Variants in SYBU observed in about 807,000 individuals in gnomAD.
The protein encoded by SYBU is GOLSYN A protein.
In SYBU, 21 loss-of-function variants were observed where a neutral mutation model predicts 35.9. That is an observed-to-expected ratio of 0.58 (90% CI 0.41 to 0.84). The LOEUF is 0.84. Among genes scored for constraint, SYBU ranks in the 40% least tolerant of loss-of-function variants. The probability of loss-of-function intolerance (pLI) is 0.00; values close to 1 mark genes in which losing one functional copy is unlikely to be tolerated. For missense variants in SYBU, 768 were observed against 848.2 expected, an observed-to-expected ratio of 0.91 and a Z score of 1.17; for synonymous variants, 319 against 324.3, an observed-to-expected ratio of 0.98 and a Z score of 0.18.
chr8:109,613,006 G>A (rs903621781), intron 3 of SYBU, among the ~76,000 whole-genome samples: 6 of 133,472 alleles, frequency 4.5e-5, no homozygotes, highest in South Asian at 2.4e-4. Flanking sequence ...AGAAGAAGAA[G>A]AAAAGAAAAA....
At chr8:109,678,432 AC>A (rs1817279794) in intron 1 of SYBU, among the ~76,000 whole-genome samples, 3 of 122,220 alleles carry the variant, frequency 2.5e-5, no homozygotes, top group Non-Finnish European at 5.0e-5. Flanking sequence ...GTTTCAAATA[AC>A]CTTTTTTTTT....
rs1308654906 is a variant in SYBU, at chr8:109,618,835, C to T, written c.427+7G>A. 4 of 1,613,394 alleles carry T rather than the reference C, an allele frequency of 2.5e-6. No individual in the cohort carries two copies. In the East Asian group the frequency reaches 8.9e-5, roughly 36 times the overall value. ...CTGATGAAAACATGACGAGTAAGTT[C>T]ACTGACCTGGTTTCACAAGGCCTGA... On this transcript the variant is annotated splice_region_variant and intron_variant, in intron 3 of 6. Transcript: ENST00000276646.
In SYBU at chr8:109,574,813, G is replaced by A; in HGVS notation, c.*93C>T. The stretch of plus-strand genomic sequence containing the variant: ...TCAAATACCAAGGAGCAAAACGACA[G>A]AATAGAGACTGTCACAGATGATTGA... On this transcript the variant is annotated 3_prime_UTR_variant, in exon 7 of 7. Coordinates refer to ENST00000276646, the MANE Select transcript of SYBU (RefSeq NM_001099754.2). 7.3e-7 allele frequency: 1 copy of A among 1,378,800 alleles called. No homozygotes were observed. The allele number at this position is 1,378,800 out of a possible 1,614,324, so 85.4% of individuals were successfully genotyped here.
chr8:109,615,998 T>TTTTC (rs1190944694), intron 3 of SYBU, among the ~76,000 whole-genome samples: 4 of 84,626 alleles, frequency 4.7e-5, no homozygotes, highest in East Asian at 4.5e-4. Flanking sequence ...TTTTCTTTTC[T>TTTTC]TTTCTTTCTT....
At chr8:109,628,559 T>C (rs1489388981) in intron 2 of SYBU, among the ~76,000 whole-genome samples, 2 of 152,066 alleles carry the variant, frequency 1.3e-5, no homozygotes, top group African/African-American at 4.8e-5. Flanking sequence ...CCCAGGCTGG[T>C]CTCCAACTCC....
intron 1 of SYBU, among the ~76,000 whole-genome samples, chr8:109,677,048 G>T (rs558618392): frequency 6.6e-6 from 1 of 152,164 alleles, no homozygotes; most frequent in East Asian, 1.9e-4. Context: ...GTGTGTGTGT[G>T]TGTGTGTGAA....
intron 1 of SYBU, among the ~76,000 whole-genome samples, chr8:109,679,836 G>T (rs868162111): frequency 1.5e-4 from 23 of 152,138 alleles, no homozygotes; most frequent in African/African-American, 4.8e-4. Flanking sequence ...AGTTTAACTG[G>T]TACCCACTTA....
chr8:109,644,675 C>G lies in SYBU; in HGVS notation c.-16G>C, dbSNP rs1002284857. 16 of 1,512,442 alleles carry G rather than the reference C, an allele frequency of 1.1e-5. No homozygotes were observed. Among genetic ancestry groups the G allele is most frequent in the Non-Finnish European group, 1.4e-5 (16 of 1,137,654 alleles). 93.7% of individuals were successfully genotyped at this position (1,512,442 alleles called of 1,614,324 possible). A position where few individuals can be genotyped will look rare whatever the true frequency, so the allele number is the denominator to read the frequency against. On this transcript the variant is annotated 5_prime_UTR_variant, in exon 1 of 7. Transcript: ENST00000276646. The stretch of plus-strand genomic sequence containing the variant: ...GGGGCCCCATCGCGCCGCTGCCCGC[C>G]GGCTCCTCGCGCCGCCGCTGCCGCC...
chr8:109,647,468 C>G (rs1815823914), upstream of SYBU: 1 of 152,206 alleles, frequency 6.6e-6, no homozygotes, highest in South Asian at 2.1e-4. Context: ...TTCCAGGACA[C>G]TTATTTTTAC....
chr8:109,597,933 T>G (rs1825081277), intron 3 of SYBU, among the ~76,000 whole-genome samples: 1 of 152,202 alleles, frequency 6.6e-6, no homozygotes, highest in Admixed American at 6.5e-5. Flanking sequence ...GTCAGAAACA[T>G]GTTTCCCAGG....
At chr8:109,664,669 G>A (rs1438332129) in intron 1 of SYBU, among the ~76,000 whole-genome samples, 1 of 152,162 alleles carries the variant, frequency 6.6e-6, no homozygotes, top group East Asian at 1.9e-4. Context: ...CCATTCTGAA[G>A]AAGGAAAAAT....
chr8:109,679,009 G>T (rs1328634469), intron 1 of SYBU, among the ~76,000 whole-genome samples: 3 of 152,260 alleles, frequency 2.0e-5, no homozygotes, highest in Non-Finnish European at 4.4e-5. Flanking sequence ...AGGTCAAAAA[G>T]ACCTTGCTGA....
chr8:109,585,200 G>A (rs545425050), intron 4 of SYBU, among the ~76,000 whole-genome samples: 209 of 152,270 alleles, frequency 1.4e-3, no homozygotes, highest in Non-Finnish European at 2.7e-3. Flanking sequence ...AAAGCCACTG[G>A]TGGCAAGCAC....
At chr8:109,642,263 A>T (rs1334713718) in intron 2 of SYBU, among the ~76,000 whole-genome samples, 2 of 151,786 alleles carry the variant, frequency 1.3e-5, no homozygotes, top group Non-Finnish European at 2.9e-5. Flanking sequence ...ACATGGACAC[A>T]GGGAGGGGAA....
At chr8:109,662,726 T>C (rs971277979) in intron 1 of SYBU, among the ~76,000 whole-genome samples, 4 of 152,224 alleles carry the variant, frequency 2.6e-5, no homozygotes, top group African/African-American at 9.6e-5. Context: ...CTTTTCAAAA[T>C]TGGCTTTCTT....
intron 3 of SYBU, among the ~76,000 whole-genome samples, chr8:109,605,665 AGCACATATG>A (rs1341618642): frequency 6.6e-6 from 1 of 152,258 alleles, no homozygotes; most frequent in Non-Finnish European, 1.5e-5. Context: ...CAGCAGGCTC[AGCACATATG>A]GCATTGGTTT....
intron 3 of SYBU, among the ~76,000 whole-genome samples, chr8:109,608,602 G>C (rs972263084): frequency 1.3e-5 from 2 of 152,128 alleles, no homozygotes; most frequent in African/African-American, 4.8e-5. Context: ...AGTTTGCTCA[G>C]AAAAAATGTT....
intron 1 of SYBU, among the ~76,000 whole-genome samples, chr8:109,665,520 T>C (rs991475017): frequency 2.0e-5 from 3 of 152,242 alleles, no homozygotes; most frequent in Non-Finnish European, 2.9e-5. Flanking sequence ...AATTTATGTT[T>C]CCATTTTTTT....
chr8:109,631,803 C>G (rs953477002), intron 2 of SYBU, among the ~76,000 whole-genome samples: 3 of 152,126 alleles, frequency 2.0e-5, no homozygotes, highest in Admixed American at 2.0e-4. Flanking sequence ...AGAACTTTAT[C>G]TTATTTTTTC....
Sources: allele counts gnomAD v4.1 joint callset (sites outside exome capture counted in the v4.1 genomes callset), GRCh38; gene constraint gnomAD v4.1.1; transcripts MANE v1.5; gene names NCBI Gene and HGNC (gene_info 2026-07-23, HGNC 2026-07-21).